Variants in RBMS3 observed in about 807,000 individuals in gnomAD.
The protein encoded by RBMS3 is RNA binding motif single stranded interacting protein 3, also known as RNA-binding motif, single-stranded-interacting protein 3.
Under a neutral mutation model 66.8 loss-of-function variants are expected in RBMS3, and 27 were observed. That is an observed-to-expected ratio of 0.40 (90% CI 0.30 to 0.56). RBMS3 has a LOEUF of 0.56. RBMS3 is among the 20% of genes least tolerant of loss of function. RBMS3 has a pLI of 0.40. For synonymous variants in RBMS3, 188 were observed against 183.0 expected (o/e 1.03, Z -0.22); for missense variants, 513 against 549.5 (o/e 0.93, Z 0.66).
At chr3:29,991,773 GTC>G (rs1439831529) in intron 14 of RBMS3, 1 of 152,224 alleles carries the variant, frequency 6.6e-6, no homozygotes, top group African/African-American at 2.4e-5. Flanking sequence ...ACTGAATAGA[GTC>G]TCAGTCTCCT....
chr3:29,884,036 T>C lies in RBMS3; in HGVS notation c.745-126T>C. 6.4e-6 allele frequency: 5 copies of C among 785,974 alleles called. No individual in the cohort carries two copies. The South Asian group carries it at 8.9e-5, about 14-fold the overall frequency. The allele number at this position is 785,974 out of a possible 1,614,324, so 48.7% of individuals were successfully genotyped here. On this transcript the variant is annotated intron_variant, in intron 7 of 14. Transcript: ENST00000383767. ...AGTCTTGGCAGTAAGCATAGAGATA[T>C]ACATAGGAGAAAATAAACTTAGATC... is the stretch of plus-strand genomic sequence containing the variant.
chr3:29,466,630 G>A (rs554738615), intron 2 of RBMS3, among the ~76,000 whole-genome samples: 1 of 152,218 alleles, frequency 6.6e-6, no homozygotes, highest in East Asian at 1.9e-4. Flanking sequence ...ATATCATGGT[G>A]TACTGGCATG....
chr3:29,323,190 A>G (rs1257570822), intron 1 of RBMS3, among the ~76,000 whole-genome samples: 1 of 152,202 alleles, frequency 6.6e-6, no homozygotes, highest in African/African-American at 2.4e-5. Flanking sequence ...TACAGAGACA[A>G]ACACATACAC....
intron 2 of RBMS3, among the ~76,000 whole-genome samples, chr3:29,477,332 T>G (rs2042980487): frequency 6.6e-6 from 1 of 152,168 alleles, no homozygotes; most frequent in Admixed American, 6.5e-5. Context: ...CTGGACATAC[T>G]TGACTCCCAT....
chr3:29,569,429 GA>G (rs1057053582), intron 3 of RBMS3, among the ~76,000 whole-genome samples: 19 of 150,796 alleles, frequency 1.3e-4, no homozygotes, highest in South Asian at 4.2e-4. Context: ...TATCTTTGTT[GA>G]AAAAAAAATT....
intron 12 of RBMS3, among the ~76,000 whole-genome samples, chr3:29,983,219 A>G (rs906460554): frequency 1.4e-5 from 2 of 147,420 alleles, no homozygotes; most frequent in African/African-American, 5.0e-5. Flanking sequence ...ATCAGAGACT[A>G]GGATTGCAAC....
At chr3:29,697,923 A>C (rs1466839674) in intron 4 of RBMS3, among the ~76,000 whole-genome samples, 1 of 152,176 alleles carries the variant, frequency 6.6e-6, no homozygotes, top group Non-Finnish European at 1.5e-5. Context: ...CAAAAACTTT[A>C]AGTACTCTCC....
intron 6 of RBMS3, among the ~76,000 whole-genome samples, chr3:29,812,784 T>C (rs1303973583): frequency 2.6e-5 from 4 of 152,158 alleles, no homozygotes; most frequent in Non-Finnish European, 5.9e-5. Flanking sequence ...CGATGCCTTC[T>C]GGGTGATGGA....
chr3:29,570,167 A>G (rs2046898190), intron 3 of RBMS3, among the ~76,000 whole-genome samples: 1 of 151,928 alleles, frequency 6.6e-6, no homozygotes, highest in African/African-American at 2.4e-5. Context: ...ATCAATAGTC[A>G]TTTTCTTATT....
intron 4 of RBMS3, among the ~76,000 whole-genome samples, chr3:29,615,470 GCACACACACA>G (rs112880454): frequency 1.4e-5 from 2 of 144,416 alleles, no homozygotes; most frequent in Admixed American, 6.8e-5. Context: ...ACTACAGTTA[GCACACACACA>G]CACACACACA....
intron 6 of RBMS3, among the ~76,000 whole-genome samples, chr3:29,863,065 T>A (rs1244016358): frequency 6.6e-6 from 1 of 152,152 alleles, no homozygotes; most frequent in Non-Finnish European, 1.5e-5. Context: ...TCTCTGCCAC[T>A]CTCAATGAAA....
At chr3:29,822,434 A>G (rs1229153962) in intron 6 of RBMS3, among the ~76,000 whole-genome samples, 1 of 152,172 alleles carries the variant, frequency 6.6e-6, no homozygotes, top group Non-Finnish European at 1.5e-5. Context: ...AGACCTAAAG[A>G]AAGTGCATTA....
intron 14 of RBMS3, among the ~76,000 whole-genome samples, chr3:29,996,613 C>T (rs1439375454): frequency 6.7e-6 from 1 of 150,014 alleles, no homozygotes; most frequent in Non-Finnish European, 1.5e-5. Context: ...GATTAAGAAT[C>T]TCACTCAAAA....
chr3:30,006,747 A>T lies in RBMS3; in HGVS notation c.*2885A>T, dbSNP rs1260891198. The T allele has an allele frequency of 1.3e-5, 2 of 152,038 alleles. No individual in the cohort carries two copies. The highest frequency in any genetic ancestry group is 4.8e-5 in the African/African-American group (2 of 41,428). The allele number at this position is 152,038 out of a possible 1,614,324, so 9.4% of individuals were successfully genotyped here. A position where few individuals can be genotyped will look rare whatever the true frequency, so the allele number is the denominator to read the frequency against. On this transcript the variant is annotated 3_prime_UTR_variant, in exon 15 of 15. Transcript: ENST00000383767. ...TTTTTGTGAAAAAATAACCAAAAAC[A>T]TGTATTAATGTGATACAAAGAAAGT... is the stretch of plus-strand genomic sequence containing the variant.
chr3:29,606,868 C>A (rs1403899473), intron 4 of RBMS3, among the ~76,000 whole-genome samples: 3 of 151,736 alleles, frequency 2.0e-5, no homozygotes. Flanking sequence ...CTATTTTTTT[C>A]TTTGAATTGA....
At chr3:29,339,231 C>T (rs567807774) in intron 1 of RBMS3, among the ~76,000 whole-genome samples, 4 of 152,252 alleles carry the variant, frequency 2.6e-5, no homozygotes, top group African/African-American at 9.6e-5. Flanking sequence ...CTGTTTTCAC[C>T]GACACTAAAT....
chr3:29,685,297 G>A (rs528212929), intron 4 of RBMS3, among the ~76,000 whole-genome samples: 38 of 152,080 alleles, frequency 2.5e-4, no homozygotes, highest in Non-Finnish European at 3.8e-4. Context: ...TCCTGACCTC[G>A]TGATCCGCCC....
At chr3:29,517,544 C>T (rs990770547) in intron 3 of RBMS3, among the ~76,000 whole-genome samples, 2 of 152,008 alleles carry the variant, frequency 1.3e-5, no homozygotes, top group East Asian at 1.9e-4. Context: ...AGGATGGTTT[C>T]GATCTCCTGA....
intron 1 of RBMS3, among the ~76,000 whole-genome samples, chr3:29,298,982 T>C (rs1219741925): frequency 1.3e-5 from 2 of 151,836 alleles, no homozygotes; most frequent in East Asian, 2.0e-4. Context: ...CAGAAGTTGA[T>C]AATTTATTTG....
Sources: allele counts gnomAD v4.1 joint callset (sites outside exome capture counted in the v4.1 genomes callset), GRCh38; gene constraint gnomAD v4.1.1; transcripts MANE v1.5; gene names NCBI Gene and HGNC (gene_info 2026-07-23, HGNC 2026-07-21).